The following DMRT1 variants were observed in gnomAD, a reference collection of about 807,000 sequenced individuals.
DMRT1 encodes the protein doublesex- and mab-3-related transcription factor 1.
Under a neutral mutation model 32.3 loss-of-function variants are expected in DMRT1, and 7 were observed. The observed-to-expected ratio is 0.22, with a 90% CI of 0.12 to 0.41. The LOEUF (loss-of-function observed/expected upper bound fraction) is 0.41. DMRT1 is among the 10% of genes least tolerant of loss of function. DMRT1 has a pLI of 1.00. For synonymous variants in DMRT1, 278 were observed against 206.1 expected, an observed-to-expected ratio of 1.35 and a Z score of -2.99; for missense variants, 625 against 500.5, an observed-to-expected ratio of 1.25 and a Z score of -2.37.
chr9:900,222 G>T (rs892195536), intron 3 of DMRT1, among the ~76,000 whole-genome samples: 1 of 152,172 alleles, frequency 6.6e-6, no homozygotes, highest in Non-Finnish European at 1.5e-5. Context: ...AGAAAAAAGT[G>T]CCCCCTTGTG....
chr9:912,681 T>G (rs534950647), intron 3 of DMRT1, among the ~76,000 whole-genome samples: 25 of 152,306 alleles, frequency 1.6e-4, no homozygotes, highest in Middle Eastern at 6.8e-3. Context: ...TTTGTCAGAT[T>G]TAGCCTGTTT....
At chr9:902,159 C>G (rs1363990033) in intron 3 of DMRT1, among the ~76,000 whole-genome samples, 5 of 151,996 alleles carry the variant, frequency 3.3e-5, no homozygotes, top group Non-Finnish European at 5.9e-5. Flanking sequence ...ATCCGCCCCC[C>G]TCAGCCTCCC....
chr9:959,479 T>G (rs1185271891), intron 4 of DMRT1, among the ~76,000 whole-genome samples: 1 of 152,230 alleles, frequency 6.6e-6, no homozygotes, highest in Admixed American at 6.5e-5. Context: ...ATTCAAACAC[T>G]TGTACTCTAA....
chr9:873,950 A>C (rs921363340), intron 2 of DMRT1, among the ~76,000 whole-genome samples: 1 of 152,222 alleles, frequency 6.6e-6, no homozygotes, highest in Non-Finnish European at 1.5e-5. Context: ...GGGCATATTT[A>C]ACTTGGAAGT....
intron 2 of DMRT1, among the ~76,000 whole-genome samples, chr9:884,646 C>A (rs1449378012): frequency 6.6e-6 from 1 of 152,096 alleles, no homozygotes; most frequent in Non-Finnish European, 1.5e-5. Flanking sequence ...GTTCTTATTG[C>A]ACAAATTAGG....
rs10117223 is a variant in DMRT1 at position 915,253 on chromosome 9, G to C, written c.823-1510G>C. Among the ~76,000 whole-genome samples the C allele has an allele frequency of 8.0e-3, 1,222 of 152,176 alleles. 11 individuals are homozygous for C. Among genetic ancestry groups the C allele is most frequent in the African/African-American group, 0.028 (1,178 of 41,512 alleles). Reference sequence around the variant, plus strand: ...AGATGTGATCATGAGTTGAATGCTCGGTGTCTCTAACAGGGTCTAGATGTT... The same window carrying C: ...AGATGTGATCATGAGTTGAATGCTCCGTGTCTCTAACAGGGTCTAGATGTT... On this transcript the variant is annotated intron_variant, in intron 3 of 4. Transcript: ENST00000382276.
chr9:926,798 TG>T (rs923155575), intron 4 of DMRT1, among the ~76,000 whole-genome samples: 1 of 152,208 alleles, frequency 6.6e-6, no homozygotes, highest in African/African-American at 2.4e-5. Context: ...AAACATTGCC[TG>T]TCTGTTTTCA....
chr9:857,777 TC>T (rs1275166318), intron 2 of DMRT1, among the ~76,000 whole-genome samples: 4 of 73,578 alleles, frequency 5.4e-5, no homozygotes, highest in South Asian at 6.4e-4. Context: ...CCCTCCCCCC[TC>T]CCCCCACCCC....
chr9:963,068 TTC>T (rs1819826545), intron 4 of DMRT1, among the ~76,000 whole-genome samples: 1 of 152,198 alleles, frequency 6.6e-6, no homozygotes, highest in Non-Finnish European at 1.5e-5. Flanking sequence ...AATATGTACT[TTC>T]TGTTAAGTTC....
chr9:877,911 T>C (rs1370450496), intron 2 of DMRT1, among the ~76,000 whole-genome samples: 3 of 152,198 alleles, frequency 2.0e-5, no homozygotes, highest in Non-Finnish European at 2.9e-5. Context: ...AGTGTGCCTG[T>C]ACAATGACCC....
intron 3 of DMRT1, among the ~76,000 whole-genome samples, chr9:913,827 A>G (rs1421100579): frequency 6.6e-6 from 1 of 152,200 alleles, no homozygotes; most frequent in African/African-American, 2.4e-5. Context: ...CAGGAAGCAG[A>G]GGTTGCAGTG....
intron 2 of DMRT1, among the ~76,000 whole-genome samples, chr9:856,639 G>C (rs1364374673): frequency 2.0e-5 from 3 of 152,072 alleles, no homozygotes; most frequent in Admixed American, 1.3e-4. Context: ...CTGTTTATCA[G>C]CTGATGAACA....
intron 1 of DMRT1, among the ~76,000 whole-genome samples, chr9:843,759 C>T (rs1838790241): frequency 1.3e-5 from 2 of 152,160 alleles, no homozygotes; most frequent in South Asian, 2.1e-4. Flanking sequence ...GTGTAAATAT[C>T]CTCCATTGAA....
chr9:880,582 T>C (rs1345184340), intron 2 of DMRT1, among the ~76,000 whole-genome samples: 1 of 151,738 alleles, frequency 6.6e-6, no homozygotes, highest in African/African-American at 2.4e-5. Flanking sequence ...CAAAATTGCC[T>C]GGGCATGGTG....
At chr9:870,329 G>A (rs988323395) in intron 2 of DMRT1, among the ~76,000 whole-genome samples, 2 of 152,128 alleles carry the variant, frequency 1.3e-5, no homozygotes, top group East Asian at 3.9e-4. Context: ...AACCTGGGAG[G>A]CGGAGGTTGC....
rs543170830 is a variant in DMRT1, at chr9:936,703, G to A, written c.967+19796G>A. On this transcript the variant is annotated intron_variant, in intron 4 of 4. Transcript: ENST00000382276. ...TGGGAGGCGGAAATTGCAGTGAGCC[G>A]AGATCACACCATTGCACTCCAGCCT... 3.4e-5 allele frequency among the ~76,000 whole-genome samples: 5 copies of A among 145,908 alleles called. No homozygotes were observed. The South Asian group carries it at 8.7e-4, about 25-fold the overall frequency.
chr9:892,448 A>G (rs1252321059), intron 2 of DMRT1, among the ~76,000 whole-genome samples: 1 of 151,902 alleles, frequency 6.6e-6, no homozygotes. Context: ...CTACACACCC[A>G]GGCTCCTGCT....
At chr9:914,051 C>T (rs1246889827) in intron 3 of DMRT1, among the ~76,000 whole-genome samples, 8 of 152,094 alleles carry the variant, frequency 5.3e-5, no homozygotes, top group Non-Finnish European at 8.8e-5. Context: ...ACCCCCTGGC[C>T]ATTCATATGC....
chr9:884,008 G>A (rs879697232), intron 2 of DMRT1, among the ~76,000 whole-genome samples: 9 of 152,018 alleles, frequency 5.9e-5, no homozygotes, highest in Non-Finnish European at 1.3e-4. Flanking sequence ...TAAATTAATC[G>A]TTTACATGAC....
Sources: allele counts gnomAD v4.1 joint callset (sites outside exome capture counted in the v4.1 genomes callset), GRCh38; gene constraint gnomAD v4.1.1; transcripts MANE v1.5; gene names NCBI Gene and HGNC (gene_info 2026-07-23, HGNC 2026-07-21).